MAP3K19: variants seen among roughly 807,000 people sequenced by gnomAD.
MAP3K19 encodes the protein mitogen-activated protein kinase kinase kinase 19, also known as SPS1/STE20-related protein kinase YSK4.
MAP3K19 carries 91 observed loss-of-function variants against 114.4 expected under a neutral mutation model. That is an observed-to-expected ratio of 0.80 (90% CI 0.67 to 0.95). The LOEUF (loss-of-function observed/expected upper bound fraction) is 0.95. Ranked by LOEUF, MAP3K19 falls within the 40% of genes least tolerant of loss-of-function variation. MAP3K19 has a pLI of 0.00. For synonymous variants in MAP3K19, 518 were observed against 530.5 expected (o/e 0.98, Z 0.32); for missense variants, 1,471 against 1,573.2 (o/e 0.94, Z 1.10).
At chr2:135,042,092 G>A (rs1488827151) in intron 1 of MAP3K19, among the ~76,000 whole-genome samples, 1 of 152,050 alleles carries the variant, frequency 6.6e-6, no homozygotes. Flanking sequence ...CACAAAATAG[G>A]TTAGATAAAA....
At chr2:134,973,484 C>A (rs74431328) in intron 12 of MAP3K19, among the ~76,000 whole-genome samples, 1,827 of 152,238 alleles carry the variant, frequency 0.012, 28 homozygotes, top group African/African-American at 0.037. Context: ...TTTTTCCATC[C>A]TTTCACTTTC....
chr2:134,993,771 A>C (rs1406877037), intron 8 of MAP3K19, among the ~76,000 whole-genome samples: 1 of 152,180 alleles, frequency 6.6e-6, no homozygotes, highest in Non-Finnish European at 1.5e-5. Flanking sequence ...CTGGTAGGTA[A>C]TTTGGTAACA....
At chr2:134,998,680 A>T in intron 8 of MAP3K19, 58 bp downstream of exon 8, 1 of 1,510,730 alleles carries the variant, frequency 6.6e-7, no homozygotes, top group East Asian at 2.3e-5. Context: ...TGCCTGGCAC[A>T]ATACATAAAT....
chr2:134,968,453 T>C (rs1683565069), intron 12 of MAP3K19, among the ~76,000 whole-genome samples: 1 of 144,950 alleles, frequency 6.9e-6, no homozygotes, highest in South Asian at 2.2e-4. Flanking sequence ...GAGGCGCCCC[T>C]CACCTCCCGG....
chr2:135,017,656 T>C (rs1687668215), intron 5 of MAP3K19, among the ~76,000 whole-genome samples: 1 of 152,216 alleles, frequency 6.6e-6, no homozygotes, highest in African/African-American at 2.4e-5. Context: ...TCCCAACGTC[T>C]GCAGTACCTG....
In MAP3K19 at chr2:134,986,529, A is replaced by G. The variant is rs769609557; in HGVS notation, c.2343T>C (p.Asp781=). ...GAGCCAAGTTCATGGGATGAATTTC[A>G]TCTTTGGAAGATAGAAACTCATTTC... ...SSGNEFLSSK[D]EIHPMNLAQT... The change falls in exon 10 of 13, where the codon GAT becomes GAC. Residue 781 remains aspartate, a synonymous_variant. Coordinates refer to ENST00000392915, the MANE Select transcript of MAP3K19 (RefSeq NM_025052.5). 1.9e-6 allele frequency: 3 copies of G among 1,614,144 alleles called. No homozygotes were observed. Among genetic ancestry groups the G allele is most frequent in the East Asian group, 4.5e-5 (2 of 44,882 alleles).
Position 134,987,191 on chromosome 2 carries a change from T to C in MAP3K19, c.1681A>G (p.Lys561Glu). ...NFVISTEGPI[K>E]PTMHKTSIKT... ...ATGCTGGTTTTATGCATGGTAGGCTTAATGGGACCTTCAGTAGAAATCACA... is the reference window on the plus strand; with the variant it reads ...ATGCTGGTTTTATGCATGGTAGGCTCAATGGGACCTTCAGTAGAAATCACA... Residue 561 changes from lysine (K) to glutamate (E), a missense_variant, in exon 10 of 13, where the codon AAG becomes GAG. Physicochemically the swap from Lys to Glu is moderately conservative, Grantham distance 56 (BLOSUM62 1). Transcript: ENST00000392915. 1 of 1,614,220 alleles carries C rather than the reference T, an allele frequency of 6.2e-7. No homozygotes were observed. Among genetic ancestry groups the C allele is most frequent in the East Asian group, 2.2e-5 (1 of 44,892 alleles).
Position 134,999,512 on chromosome 2 carries a change from T to G in MAP3K19, c.314+425A>C, listed in dbSNP as rs1686285011. 6.6e-6 allele frequency among the ~76,000 whole-genome samples: 1 copy of G among 152,218 alleles called. No homozygotes were observed. Among genetic ancestry groups the G allele is most frequent in the Admixed American group, 6.5e-5 (1 of 15,282 alleles). On this transcript the variant is annotated intron_variant, in intron 7 of 12. Coordinates refer to ENST00000392915, the MANE Select transcript of MAP3K19 (RefSeq NM_025052.5). The surrounding 1 kb of genome is among the most constrained non-coding windows in gnomAD (Gnocchi z 4.1). ...ACGTAAGTTATTTGCCAAATTGCTT[T>G]GCAACTTTTTTAATGGTCACCCTCG...
chr2:135,026,224 A>G (rs1574048507), intron 3 of MAP3K19, among the ~76,000 whole-genome samples: 1 of 152,316 alleles, frequency 6.6e-6, no homozygotes, highest in South Asian at 2.1e-4. Context: ...GCATAAAAAC[A>G]AGTAAAGATA....
chr2:135,020,915 C>T (rs1305778664), intron 5 of MAP3K19, among the ~76,000 whole-genome samples: 4 of 152,146 alleles, frequency 2.6e-5, no homozygotes, highest in Non-Finnish European at 5.9e-5. Context: ...TATAAATTAC[C>T]CAGTCTCAGG....
chr2:134,986,426 C>G lies in MAP3K19; in HGVS notation c.2446G>C (p.Glu816Gln), dbSNP rs773920582. 3 of 1,613,914 alleles carry G rather than the reference C, an allele frequency of 1.9e-6. No individual in the cohort carries two copies. In the East Asian group the frequency reaches 6.7e-5, roughly 36 times the overall value. Residue 816 changes from glutamate to glutamine, a missense_variant, in exon 10 of 13, where the codon GAA (glutamate) becomes CAA (glutamine). By Grantham distance (29) the Glu-to-Gln change is conservative (BLOSUM62 2). Transcript: ENST00000392915. ...DLSIVEEVSM[E>Q]ESTGDRDISN... Reference sequence around the variant, plus strand: ...ATGTCTCTATCACCAGTAGACTCTTCCATAGAAACTTCTTCAACAATGGAT... The same window carrying G: ...ATGTCTCTATCACCAGTAGACTCTTGCATAGAAACTTCTTCAACAATGGAT...
intron 12 of MAP3K19, among the ~76,000 whole-genome samples, chr2:134,973,644 GGTTTGTTT>G (rs1166741901): frequency 1.3e-5 from 2 of 151,524 alleles, no homozygotes; most frequent in African/African-American, 4.8e-5. Flanking sequence ...TTTTCTGGTT[GGTTTGTTT>G]GTTTGTTTGT....
At position 135,023,881 on chromosome 2, in the gene MAP3K19, T is replaced by C. The variant is rs550734004; in HGVS notation, c.22+745A>G. ...TCATCATTCTCTGGCTTAAAATTCT[T>C]TAGTGTCTGTTTTATTGAAAAAAAA... is the stretch of plus-strand genomic sequence containing the variant. On this transcript the variant is annotated intron_variant, in intron 4 of 12. Coordinates refer to ENST00000392915, the MANE Select transcript of MAP3K19 (RefSeq NM_025052.5). Among the ~76,000 whole-genome samples, 9 of 151,942 alleles carry C rather than the reference T, an allele frequency of 5.9e-5. No individual in the cohort carries two copies. In the South Asian group the frequency reaches 1.9e-3, roughly 31 times the overall value.
rs1480877190 is a variant in MAP3K19, at chr2:135,005,478, T to A, written c.192A>T (p.Glu64Asp). 1 of 1,614,008 alleles carries A rather than the reference T, an allele frequency of 6.2e-7. No homozygotes were observed. Among genetic ancestry groups the A allele is most frequent in the East Asian group, 2.2e-5 (1 of 44,868 alleles). The part of the protein sequence containing the change: ...CSHSTLVNEE[E>D]DPSGGRQDWQ... ...AGTCCTGTCTACCACCACTGGGATC[T>A]TCTTCTTCATTAACCAGTGTGGAAT... Residue 64 changes from glutamate (E) to aspartate (D), a missense_variant, in exon 6 of 13, where the codon GAA becomes GAT. Transcript: ENST00000392915.
chr2:134,974,627 T>C (rs1684100048), intron 12 of MAP3K19, among the ~76,000 whole-genome samples: 1 of 152,222 alleles, frequency 6.6e-6, no homozygotes, highest in Admixed American at 6.5e-5. Flanking sequence ...TCTGGAACAA[T>C]CAAAATTGTA....
rs1465791132 is a variant in MAP3K19 at position 135,029,147 on chromosome 2, C to G, written c.-95+1165G>C. 2.0e-5 allele frequency among the ~76,000 whole-genome samples: 3 copies of G among 152,114 alleles called. 1 individual carries two copies. The South Asian group carries it at 6.2e-4, about 31-fold the overall frequency. ...CAGCACTTTGGGAGGCCGAGGCGGG[C>G]AGATCACAAGGTCAGGAGATCGAGA... is the stretch of plus-strand genomic sequence containing the variant. On this transcript the variant is annotated intron_variant, in intron 3 of 12. Transcript: ENST00000392915.
intron 12 of MAP3K19, among the ~76,000 whole-genome samples, chr2:134,968,394 G>C (rs1200956858): frequency 8.0e-5 from 12 of 149,854 alleles, no homozygotes; most frequent in Non-Finnish European, 1.6e-4. Flanking sequence ...CAGACGGGGT[G>C]GTGGCCGGGC....
chr2:134,966,868 C>A (rs547599761), intron 12 of MAP3K19, among the ~76,000 whole-genome samples: 1 of 152,018 alleles, frequency 6.6e-6, no homozygotes, highest in Non-Finnish European at 1.5e-5. Flanking sequence ...CATGGCCCAG[C>A]GGAGGGGAAG....
At chr2:134,994,723 G>C (rs1227433755) in intron 8 of MAP3K19, among the ~76,000 whole-genome samples, 1 of 152,126 alleles carries the variant, frequency 6.6e-6, no homozygotes, top group Non-Finnish European at 1.5e-5. Flanking sequence ...TCTATCAATC[G>C]TCCAGTTCTC....
Sources: allele counts gnomAD v4.1 joint callset (sites outside exome capture counted in the v4.1 genomes callset), GRCh38; gene constraint gnomAD v4.1.1; non-coding constraint Gnocchi (gnomAD v3.1); transcripts MANE v1.5; gene names NCBI Gene and HGNC (gene_info 2026-07-23, HGNC 2026-07-21).